The following L3MBTL4 variants were observed in gnomAD, a reference collection of about 807,000 sequenced individuals.
L3MBTL4 encodes lethal(3)malignant brain tumor-like protein 4.
Under a neutral mutation model 84.5 loss-of-function variants are expected in L3MBTL4, and 70 were observed. That is an observed-to-expected ratio of 0.83 (90% CI 0.68 to 1.01). L3MBTL4 has a LOEUF of 1.01. Ranked by LOEUF, L3MBTL4 falls within the 50% of genes least tolerant of loss-of-function variation. The pLI is 0.00. For synonymous variants in L3MBTL4, 274 were observed against 259.8 expected (o/e 1.05, Z -0.52); for missense variants, 715 against 754.8 (o/e 0.95, Z 0.62).
chr18:6,355,451 A>G lies in L3MBTL4; in HGVS notation c.-90-43395T>C, dbSNP rs1041968191. Among the ~76,000 whole-genome samples the G allele has an allele frequency of 1.5e-4, 23 of 152,128 alleles. No homozygotes were observed. In the East Asian group the frequency reaches 4.4e-3, roughly 29 times the overall value. Reference sequence around the variant, plus strand: ...GATTTTTTTTTTTCTTTGGAAAAGAAAAACCTGAAAGTCAAAGAACTGGAT... The same window carrying G: ...GATTTTTTTTTTTCTTTGGAAAAGAGAAACCTGAAAGTCAAAGAACTGGAT... On this transcript the variant is annotated intron_variant, in intron 1 of 18. Coordinates refer to ENST00000317931, the MANE Select transcript of L3MBTL4 (RefSeq NM_001330559.2).
chr18:6,226,451 T>A (rs1223517446), intron 10 of L3MBTL4, among the ~76,000 whole-genome samples: 3 of 152,048 alleles, frequency 2.0e-5, no homozygotes, highest in Admixed American at 6.6e-5. Flanking sequence ...AAAGATAATG[T>A]CATAATCTAA....
At chr18:6,400,796 C>T (rs866535500) in intron 1 of L3MBTL4, among the ~76,000 whole-genome samples, 1 of 152,136 alleles carries the variant, frequency 6.6e-6, no homozygotes, top group Non-Finnish European at 1.5e-5. Flanking sequence ...ATGCTCACTC[C>T]CAAAATCAAG....
At chr18:6,149,196 C>T (rs186863830) in intron 13 of L3MBTL4, among the ~76,000 whole-genome samples, 2 of 112,558 alleles carry the variant, frequency 1.8e-5, no homozygotes, top group Non-Finnish European at 3.5e-5. Flanking sequence ...TATCCCTCCC[C>T]CCTCCCCCCA....
intron 16 of L3MBTL4, among the ~76,000 whole-genome samples, chr18:6,041,757 C>A (rs2056411782): frequency 6.6e-6 from 1 of 152,060 alleles, no homozygotes; most frequent in Non-Finnish European, 1.5e-5. Flanking sequence ...TGGGGTCTCA[C>A]CCTGTTGCCT....
chr18:6,004,695 A>G (rs2054384168), intron 16 of L3MBTL4, among the ~76,000 whole-genome samples: 1 of 152,208 alleles, frequency 6.6e-6, no homozygotes, highest in Non-Finnish European at 1.5e-5. Context: ...TGAAATTCCA[A>G]TATGTACTTC....
At chr18:6,202,199 A>C (rs1340289326) in intron 12 of L3MBTL4, among the ~76,000 whole-genome samples, 1 of 152,210 alleles carries the variant, frequency 6.6e-6, no homozygotes, top group East Asian at 1.9e-4. Flanking sequence ...ATGTGGCAGC[A>C]CAGAGTCACC....
intron 1 of L3MBTL4, among the ~76,000 whole-genome samples, chr18:6,366,272 A>G (rs1383058497): frequency 6.6e-6 from 1 of 152,222 alleles, no homozygotes; most frequent in Non-Finnish European, 1.5e-5. Context: ...GATGATCAGC[A>G]CATTCTTCTT....
In L3MBTL4 at chr18:6,002,170, A is replaced by G. The variant is rs1567969826; in HGVS notation, c.1445-32608T>C. 2.0e-5 allele frequency among the ~76,000 whole-genome samples: 3 copies of G among 152,170 alleles called. No homozygotes were observed. The East Asian group carries it at 5.8e-4, about 29-fold the overall frequency. On this transcript the variant is annotated intron_variant, in intron 16 of 18. Coordinates refer to ENST00000317931, the MANE Select transcript of L3MBTL4 (RefSeq NM_001330559.2). ...TAAAGTGCTGAAAGAAAAAAATAAA[A>G]TCATCAACCTAGAATTCTATATAAG...
chr18:6,244,095 T>C (rs2047559117), intron 6 of L3MBTL4, among the ~76,000 whole-genome samples: 1 of 152,190 alleles, frequency 6.6e-6, no homozygotes, highest in South Asian at 2.1e-4. Context: ...TTTCATAAAG[T>C]GAATGTATTT....
At chr18:6,239,678 A>G (rs1276049281) in intron 9 of L3MBTL4, 40 bp downstream of exon 9, 1 of 1,595,040 alleles carries the variant, frequency 6.3e-7, no homozygotes, top group Admixed American at 1.7e-5. Context: ...AACATCAAAC[A>G]TATGAATACA....
chr18:6,087,889 T>C (rs1243501315), intron 15 of L3MBTL4, among the ~76,000 whole-genome samples: 1 of 152,210 alleles, frequency 6.6e-6, no homozygotes, highest in African/African-American at 2.4e-5. Context: ...TCCTATACTC[T>C]AAATCTTATA....
chr18:6,299,330 T>G (rs2050234486), intron 4 of L3MBTL4, among the ~76,000 whole-genome samples: 1 of 152,198 alleles, frequency 6.6e-6, no homozygotes, highest in African/African-American at 2.4e-5. Flanking sequence ...CAGTTATTTT[T>G]TCCCATCCCA....
At chr18:6,175,770 T>G (rs1172663101) in intron 12 of L3MBTL4, among the ~76,000 whole-genome samples, 1 of 152,140 alleles carries the variant, frequency 6.6e-6, no homozygotes, top group African/African-American at 2.4e-5. Context: ...AAATCAAGAA[T>G]AAGGCAAGTT....
intron 14 of L3MBTL4, among the ~76,000 whole-genome samples, chr18:6,127,079 C>G (rs1415417977): frequency 6.6e-6 from 1 of 152,296 alleles, no homozygotes; most frequent in Non-Finnish European, 1.5e-5. Context: ...AAAGCCGTGC[C>G]TTTGGGAACC....
chr18:6,230,142 C>T (rs969552707), intron 10 of L3MBTL4, among the ~76,000 whole-genome samples: 2 of 152,016 alleles, frequency 1.3e-5, no homozygotes, highest in Non-Finnish European at 2.9e-5. Context: ...AATTACATGT[C>T]ACAGGGGCCT....
At chr18:6,147,682 T>G (rs1201113813) in intron 13 of L3MBTL4, among the ~76,000 whole-genome samples, 1 of 152,194 alleles carries the variant, frequency 6.6e-6, no homozygotes, top group Non-Finnish European at 1.5e-5. Context: ...ATAATACTTA[T>G]CTTCCACTCA....
chr18:5,972,828 G>C (rs2052702848), intron 16 of L3MBTL4, among the ~76,000 whole-genome samples: 1 of 151,416 alleles, frequency 6.6e-6, no homozygotes, highest in Non-Finnish European at 1.5e-5. Context: ...CTCTAAAATG[G>C]GGTAATAGGA....
intron 16 of L3MBTL4, among the ~76,000 whole-genome samples, chr18:6,005,345 C>CAAAAACACATAAAAA (rs61290795): frequency 6.6e-6 from 1 of 151,670 alleles, no homozygotes; most frequent in Non-Finnish European, 1.5e-5. Flanking sequence ...GACACTGTCT[C>CAAAAACACATAAAAA]ACAAACACAA....
chr18:5,992,494 G>C (rs1365808105), intron 16 of L3MBTL4, among the ~76,000 whole-genome samples: 1 of 152,142 alleles, frequency 6.6e-6, no homozygotes, highest in Non-Finnish European at 1.5e-5. Flanking sequence ...ACAACTCCTG[G>C]AAGCTCACGG....
Sources: gnomAD v4.1 joint callset for allele counts (sites outside exome capture counted in the v4.1 genomes callset) on GRCh38, gnomAD v4.1.1 for gene constraint, MANE v1.5 for transcripts, NCBI Gene and HGNC (gene_info 2026-07-23, HGNC 2026-07-21) for gene names.